KIF16B: variants seen among roughly 807,000 people sequenced by gnomAD.
KIF16B encodes the protein kinesin family member 16B, also known as kinesin-like protein KIF16B.
Under a neutral mutation model 156.3 loss-of-function variants are expected in KIF16B, and 98 were observed. That is an observed-to-expected ratio of 0.63 (90% CI 0.53 to 0.74). The LOEUF (loss-of-function observed/expected upper bound fraction) is 0.74. Among genes scored for constraint, KIF16B ranks in the 30% least tolerant of loss-of-function variants. KIF16B has a pLI of 0.00. For missense variants in KIF16B, 1,421 were observed against 1,606.5 expected (o/e 0.88, Z 1.97); for synonymous variants, 564 against 583.7 (o/e 0.97, Z 0.49).
At chr20:16,326,750 T>C (rs533804684) in intron 24 of KIF16B, among the ~76,000 whole-genome samples, 1 of 152,168 alleles carries the variant, frequency 6.6e-6, no homozygotes, top group South Asian at 2.1e-4. Flanking sequence ...ACAACCACTA[T>C]AGAAAACAGT....
chr20:16,422,847 A>ACT (rs1396509279), intron 15 of KIF16B, among the ~76,000 whole-genome samples: 1 of 152,122 alleles, frequency 6.6e-6, no homozygotes. Flanking sequence ...TTAGAATCTA[A>ACT]CTCCTCAAAT....
Position 16,553,342 on chromosome 20 carries a change from C to T in KIF16B, c.47+19887G>A, listed in dbSNP as rs532686979. Among the ~76,000 whole-genome samples, 222 of 152,312 alleles carry T rather than the reference C, an allele frequency of 1.5e-3. 2 individuals are homozygous for T. The highest frequency in any genetic ancestry group is 4.8e-3 in the African/African-American group (199 of 41,572). The stretch of plus-strand genomic sequence containing the variant: ...ATGCCTCCTGACCCCCACGCTGTCA[C>T]GCCTTGAATGCAACATTATTAACTA... On this transcript the variant is annotated intron_variant, in intron 1 of 25. Coordinates refer to ENST00000354981, the MANE Select transcript of KIF16B (RefSeq NM_024704.5).
chr20:16,535,074 G>T (rs559110500), intron 1 of KIF16B, among the ~76,000 whole-genome samples: 1 of 152,108 alleles, frequency 6.6e-6, no homozygotes, highest in East Asian at 1.9e-4. Context: ...TGAAATTGTA[G>T]ATTGCTTTGA....
chr20:16,465,223 T>G (rs1340527452), intron 12 of KIF16B, among the ~76,000 whole-genome samples: 1 of 152,222 alleles, frequency 6.6e-6, no homozygotes, highest in Non-Finnish European at 1.5e-5. Flanking sequence ...TTCTGGTGTA[T>G]TCTCTGCCTC....
chr20:16,403,903 A>G (rs552318048), intron 17 of KIF16B, among the ~76,000 whole-genome samples: 1 of 152,304 alleles, frequency 6.6e-6, no homozygotes, highest in Admixed American at 6.5e-5. Flanking sequence ...CAACTGCAGG[A>G]GGTGACAGAG....
intron 24 of KIF16B, among the ~76,000 whole-genome samples, chr20:16,327,518 C>T (rs2122862840): frequency 6.6e-6 from 1 of 152,170 alleles, no homozygotes; most frequent in East Asian, 1.9e-4. Context: ...AATCAGTGGT[C>T]CAGAGAACAT....
Position 16,552,217 on chromosome 20 carries a change from T to TCTC in KIF16B, c.47+21011_47+21012insGAG, listed in dbSNP as rs550066521. On this transcript the variant is annotated intron_variant, in intron 1 of 25. Coordinates refer to ENST00000354981, the MANE Select transcript of KIF16B (RefSeq NM_024704.5). ...AAGCTTGACAAACCCAGCTCAGCAC[T>TCTC]TGAAATAGGAAGCTCCCTAACACAA... Among the ~76,000 whole-genome samples, 377 of 152,288 alleles carry TCTC rather than the reference T, an allele frequency of 2.5e-3. 3 individuals carry two copies. The East Asian group carries it at 0.037, about 15-fold the overall frequency.
chr20:16,544,959 T>C (rs1423424898), intron 1 of KIF16B, among the ~76,000 whole-genome samples: 2 of 152,228 alleles, frequency 1.3e-5, no homozygotes, highest in African/African-American at 2.4e-5. Flanking sequence ...GTTAAACTCA[T>C]ACTTCAAAGC....
At chr20:16,402,165 C>T (rs1311752785) in intron 17 of KIF16B, among the ~76,000 whole-genome samples, 5 of 152,118 alleles carry the variant, frequency 3.3e-5, no homozygotes, top group Non-Finnish European at 7.4e-5. Context: ...TTTCCATTCT[C>T]CCCCTTTCTG....
rs144715496 is a variant in KIF16B at position 16,335,085 on chromosome 20, C to A, written c.3711+841G>T. Among the ~76,000 whole-genome samples the A allele has an allele frequency of 4.1e-3, 631 of 152,190 alleles. 3 individuals are homozygous for A. The highest frequency in any genetic ancestry group is 7.0e-3 in the Non-Finnish European group (479 of 68,004). On this transcript the variant is annotated intron_variant, in intron 24 of 25. Coordinates refer to ENST00000354981, the MANE Select transcript of KIF16B (RefSeq NM_024704.5). ...ATTTAATGTGAACCAAATTAGTGAA[C>A]CAAATTTCTAACTATATTTTAAAAT...
chr20:16,462,981 T>TAAA (rs770814253), intron 12 of KIF16B, among the ~76,000 whole-genome samples: 3 of 152,124 alleles, frequency 2.0e-5, no homozygotes, highest in Non-Finnish European at 2.9e-5. Context: ...GAGTGGCCAG[T>TAAA]TTCTTCCCAC....
intron 17 of KIF16B, 22 bp from the exon 18 acceptor site, chr20:16,381,769 G>A (rs1363747977): frequency 1.3e-6 from 2 of 1,595,952 alleles, no homozygotes; most frequent in East Asian, 2.2e-5. Flanking sequence ...AAATGAAAAT[G>A]AGTCACTTTT....
chr20:16,356,377 C>T lies in KIF16B; in HGVS notation c.3574G>A (p.Val1192Ile), dbSNP rs746166094. 2.0e-5 allele frequency: 33 copies of T among 1,614,052 alleles called. No homozygotes were observed. Among genetic ancestry groups the T allele is most frequent in the East Asian group, 1.3e-4 (6 of 44,890 alleles). ...DPIKISIPRY[V>I]LCGQGKDAHF... Reference sequence around the variant, plus strand: ...GCATCCTTTCCTTGCCCGCAGAGGACGTAGCGTGGGATACTAATTTTAATT... The same window carrying T: ...GCATCCTTTCCTTGCCCGCAGAGGATGTAGCGTGGGATACTAATTTTAATT... The change falls in exon 23 of 26, where the codon GTC becomes ATC. Residue 1192 changes from valine to isoleucine, a missense_variant. By Grantham distance (29) the Val-to-Ile change is conservative. Coordinates refer to ENST00000354981, the MANE Select transcript of KIF16B (RefSeq NM_024704.5).
chr20:16,421,693 A>G (rs2066230114), intron 15 of KIF16B, among the ~76,000 whole-genome samples: 1 of 152,192 alleles, frequency 6.6e-6, no homozygotes, highest in African/African-American at 2.4e-5. Context: ...AATGCATTGA[A>G]ACAAAGTCAT....
chr20:16,425,266 C>T (rs1481565100), intron 15 of KIF16B, among the ~76,000 whole-genome samples: 1 of 152,104 alleles, frequency 6.6e-6, no homozygotes, highest in African/African-American at 2.4e-5. Context: ...CTTGAAGAAA[C>T]TCACAGTGGC....
At chr20:16,389,418 G>A (rs1026791367) in intron 17 of KIF16B, among the ~76,000 whole-genome samples, 4 of 152,114 alleles carry the variant, frequency 2.6e-5, no homozygotes, top group Admixed American at 1.3e-4. Context: ...TGGAATGCTC[G>A]GTAGTATTCC....
intron 22 of KIF16B, among the ~76,000 whole-genome samples, chr20:16,364,781 T>C (rs965997971): frequency 5.9e-5 from 9 of 152,248 alleles, no homozygotes; most frequent in African/African-American, 2.2e-4. Context: ...TTCTATTATG[T>C]GGTACAATCT....
At chr20:16,422,000 T>TA (rs2066238617) in intron 15 of KIF16B, among the ~76,000 whole-genome samples, 1 of 152,122 alleles carries the variant, frequency 6.6e-6, no homozygotes, top group Non-Finnish European at 1.5e-5. Flanking sequence ...AATATGAAGA[T>TA]AAAAAATTTG....
At chr20:16,443,683 T>TTA (rs1275252268) in intron 12 of KIF16B, among the ~76,000 whole-genome samples, 12 of 152,290 alleles carry the variant, frequency 7.9e-5, no homozygotes, top group African/African-American at 2.6e-4. Context: ...GCTAGATAAA[T>TTA]TACCCAGTAA....
Sources: allele counts gnomAD v4.1 joint callset (sites outside exome capture counted in the v4.1 genomes callset), GRCh38; gene constraint gnomAD v4.1.1; transcripts MANE v1.5; gene names NCBI Gene and HGNC (gene_info 2026-07-23, HGNC 2026-07-21).